Variants in CNTN5 observed in about 807,000 individuals in gnomAD.
The protein encoded by CNTN5 is contactin-5.
CNTN5 carries 77 observed loss-of-function variants against 129.1 expected under a neutral mutation model. That is an observed-to-expected ratio of 0.60 (90% CI 0.50 to 0.72). The LOEUF (loss-of-function observed/expected upper bound fraction) is 0.72. Ranked by LOEUF, CNTN5 falls within the 30% of genes least tolerant of loss-of-function variation. The pLI is 0.00. For synonymous variants in CNTN5, 509 were observed against 465.6 expected (o/e 1.09, Z -1.20); for missense variants, 1,478 against 1,328.8 (o/e 1.11, Z -1.75).
intron 1 of CNTN5, among the ~76,000 whole-genome samples, chr11:99,065,358 G>A (rs1865058803): frequency 1.3e-5 from 2 of 152,066 alleles, no homozygotes; most frequent in Admixed American, 1.3e-4. Context: ...ATAGTCAGTT[G>A]TCCTAAAAAG....
chr11:99,060,926 C>G (rs1474684828), intron 1 of CNTN5, among the ~76,000 whole-genome samples: 1 of 151,944 alleles, frequency 6.6e-6, no homozygotes, highest in South Asian at 2.1e-4. Context: ...TCATGTCTTC[C>G]CAATACCTCA....
chr11:99,534,152 T>C (rs934220554), intron 2 of CNTN5, among the ~76,000 whole-genome samples: 37 of 152,206 alleles, frequency 2.4e-4, no homozygotes, highest in Admixed American at 1.3e-4. Flanking sequence ...TTGAGACCCA[T>C]TAAATGAGAT....
At chr11:99,267,413 T>C (rs549495337) in intron 1 of CNTN5, among the ~76,000 whole-genome samples, 1 of 152,024 alleles carries the variant, frequency 6.6e-6, no homozygotes, top group Non-Finnish European at 1.5e-5. Flanking sequence ...TCAATCTTTC[T>C]AACGCTTATA....
intron 3 of CNTN5, among the ~76,000 whole-genome samples, chr11:99,722,020 T>C (rs902832587): frequency 1.7e-4 from 26 of 152,190 alleles, no homozygotes; most frequent in African/African-American, 5.8e-4. Context: ...GGGACACTTG[T>C]ACACTGTTGG....
intron 20 of CNTN5, among the ~76,000 whole-genome samples, chr11:100,303,083 ACT>A (rs1349194295): frequency 6.6e-6 from 1 of 151,376 alleles, no homozygotes; most frequent in African/African-American, 2.4e-5. Flanking sequence ...AACCTTAATG[ACT>A]CTGTCAGTGC....
rs145097492 is a variant in CNTN5, at chr11:99,268,710, G to C, written c.-209-56636G>C. Among the ~76,000 whole-genome samples, 1,066 of 152,052 alleles carry C rather than the reference G, an allele frequency of 7.0e-3. 2 individuals carry two copies. The highest frequency in any genetic ancestry group is 0.017 in the Middle Eastern group (5 of 294). ...TTTTTGAACAAATATGTGCTCAAAT[G>C]TGTTTATTTGTCCTTACAAAAAATA... is the stretch of plus-strand genomic sequence containing the variant. On this transcript the variant is annotated intron_variant, in intron 1 of 24. Transcript: ENST00000524871.
At chr11:99,380,395 C>A (rs916343612) in intron 2 of CNTN5, among the ~76,000 whole-genome samples, 2 of 152,114 alleles carry the variant, frequency 1.3e-5, no homozygotes, top group Non-Finnish European at 2.9e-5. Flanking sequence ...GTCTATAAAA[C>A]CTTTTTGTAA....
rs11827355 is a variant in CNTN5, at chr11:100,317,367, A to G, written c.2730+8899A>G. Among the ~76,000 whole-genome samples, 1,324 of 152,354 alleles carry G rather than the reference A, an allele frequency of 8.7e-3. 13 individuals are homozygous for G. Among genetic ancestry groups the G allele is most frequent in the African/African-American group, 0.03 (1,260 of 41,584 alleles). On this transcript the variant is annotated intron_variant, in intron 21 of 24. Transcript: ENST00000524871. ...AGAAGCTAAAATGAAGCTAGTTACC[A>G]GAAAGCTAACAAAGGTTGTTTTATT...
intron 15 of CNTN5, among the ~76,000 whole-genome samples, chr11:100,214,194 AAT>A (rs1555041458): frequency 6.6e-6 from 1 of 150,898 alleles, no homozygotes; most frequent in African/African-American, 2.5e-5. Flanking sequence ...TGTAAAAAAA[AAT>A]GTATGAAAGT....
intron 16 of CNTN5, among the ~76,000 whole-genome samples, chr11:100,244,225 G>T (rs1316255009): frequency 6.6e-6 from 1 of 152,028 alleles, no homozygotes; most frequent in Non-Finnish European, 1.5e-5. Context: ...AAATGCCTTA[G>T]ATTTTTCAGT....
At chr11:99,499,913 G>T (rs10893420) in intron 2 of CNTN5, among the ~76,000 whole-genome samples, 39,461 of 151,794 alleles carry the variant, frequency 0.26, 5,525 homozygotes, top group East Asian at 0.43. Flanking sequence ...TTAGACTTAC[G>T]TAAAAAATAT....
chr11:99,488,469 G>T (rs2135340961), intron 2 of CNTN5, among the ~76,000 whole-genome samples: 1 of 152,106 alleles, frequency 6.6e-6, no homozygotes. Context: ...CCATTTTTAA[G>T]AACTTCCAGG....
intron 13 of CNTN5, among the ~76,000 whole-genome samples, chr11:100,111,758 C>G (rs183789793): frequency 1.3e-5 from 2 of 152,040 alleles, no homozygotes; most frequent in Non-Finnish European, 2.9e-5. Context: ...TCATCTTAAC[C>G]GAAATTTTAT....
chr11:99,129,668 C>T (rs1858831886), intron 1 of CNTN5, among the ~76,000 whole-genome samples: 1 of 152,100 alleles, frequency 6.6e-6, no homozygotes. Context: ...CCTTCACATT[C>T]TCCAAGGTCA....
In CNTN5 at chr11:99,402,602, A is replaced by T. The variant is rs1003610443; in HGVS notation, c.-71+77118A>T. On this transcript the variant is annotated intron_variant, in intron 2 of 24. Coordinates refer to ENST00000524871, the MANE Select transcript of CNTN5 (RefSeq NM_014361.4). ...ATACTGACATCGTAGAATACTTTTG[A>T]AGCATTCCCTCCTCCTCTAGTTTCT... is the stretch of plus-strand genomic sequence containing the variant. Among the ~76,000 whole-genome samples, 5 of 152,130 alleles carry T rather than the reference A, an allele frequency of 3.3e-5. No homozygotes were observed. In the East Asian group the frequency reaches 9.6e-4, roughly 29 times the overall value.
intron 6 of CNTN5, among the ~76,000 whole-genome samples, chr11:99,875,329 A>G (rs1463380899): frequency 1.4e-5 from 2 of 147,482 alleles, no homozygotes; most frequent in Non-Finnish European, 3.0e-5. Flanking sequence ...ATTTTTATTT[A>G]GTTCATAGAT....
At chr11:99,148,459 A>G (rs1484821769) in intron 1 of CNTN5, among the ~76,000 whole-genome samples, 2 of 152,170 alleles carry the variant, frequency 1.3e-5, no homozygotes, top group South Asian at 4.1e-4. Flanking sequence ...ATATTTATAG[A>G]CAGAAAAAGT....
chr11:99,687,553 T>C (rs917598268), intron 3 of CNTN5, among the ~76,000 whole-genome samples: 1 of 152,202 alleles, frequency 6.6e-6, no homozygotes, highest in Non-Finnish European at 1.5e-5. Flanking sequence ...ATTTTCAAAA[T>C]GCTCACTTAG....
intron 2 of CNTN5, among the ~76,000 whole-genome samples, chr11:99,342,856 T>C (rs1866586065): frequency 6.6e-6 from 1 of 152,112 alleles, no homozygotes; most frequent in Non-Finnish European, 1.5e-5. Flanking sequence ...CCAGACAAAC[T>C]TAAGGTGTTG....
Sources: allele counts gnomAD v4.1 joint callset (sites outside exome capture counted in the v4.1 genomes callset), GRCh38; gene constraint gnomAD v4.1.1; transcripts MANE v1.5; gene names NCBI Gene and HGNC (gene_info 2026-07-23, HGNC 2026-07-21).